The following SMTN variants were observed in gnomAD, a reference collection of about 807,000 sequenced individuals.
SMTN encodes the protein smoothelin.
In SMTN, 58 loss-of-function variants were observed where a neutral mutation model predicts 102.0. The ratio of observed to expected loss-of-function variants is 0.57; its 90% CI spans 0.46 to 0.71. The LOEUF (loss-of-function observed/expected upper bound fraction) is 0.71, where lower values mean the gene tolerates loss of function less well. SMTN is among the 30% of genes least tolerant of loss of function. SMTN has a pLI of 0.00. For synonymous variants in SMTN, 478 were observed against 497.9 expected, an observed-to-expected ratio of 0.96 and a Z score of 0.53; for missense variants, 1,185 against 1,241.7, an observed-to-expected ratio of 0.95 and a Z score of 0.69.
intron 1 of SMTN, among the ~76,000 whole-genome samples, chr22:31,072,538 T>C (rs533243793): frequency 4.9e-4 from 74 of 152,306 alleles, no homozygotes; most frequent in Admixed American, 1.5e-3. Flanking sequence ...CTCAGTTCAC[T>C]GCAACGTCCG....
intron 15 of SMTN, 41 bp downstream of exon 15, chr22:31,097,101 C>G: frequency 1.9e-6 from 3 of 1,588,660 alleles, no homozygotes; most frequent in Non-Finnish European, 2.6e-6. Context: ...CCTGCCTGTC[C>G]GCCCACCTCC....
chr22:31,102,426 GAGTC>G (rs2044162333), intron 20 of SMTN: 1 of 152,368 alleles, frequency 6.6e-6, no homozygotes, highest in African/African-American at 2.4e-5. Context: ...GAAGGAATGT[GAGTC>G]AGTGACAGGT....
chr22:31,101,154 G>C, intron 20 of SMTN, 105 bp downstream of exon 20: 1 of 1,140,304 alleles, frequency 8.8e-7, no homozygotes, highest in East Asian at 2.6e-5. Flanking sequence ...GGGGCATTTA[G>C]TCAAGCCAGA....
intron 1 of SMTN, among the ~76,000 whole-genome samples, chr22:31,071,315 C>A (rs2041993722): frequency 6.6e-6 from 1 of 150,900 alleles, no homozygotes; most frequent in Admixed American, 6.6e-5. Flanking sequence ...GGGCTTTGTG[C>A]TTATGAAGGT....
intron 17 of SMTN, 72 bp downstream of exon 17, chr22:31,098,912 TG>T: frequency 6.4e-7 from 1 of 1,551,422 alleles, no homozygotes; most frequent in Non-Finnish European, 8.8e-7. Flanking sequence ...GCTTGATAGT[TG>T]GCCCGGCAGA....
intron 19 of SMTN, 23 bp downstream of exon 19, chr22:31,099,919 C>CTAA: frequency 1.2e-6 from 2 of 1,609,384 alleles, no homozygotes; most frequent in Non-Finnish European, 1.7e-6. Context: ...CCTGGCCCTG[C>CTAA]TAATGTTGCT....
At chr22:31,081,117 C>G (rs938928046), upstream of SMTN, among the ~76,000 whole-genome samples, 2 of 151,978 alleles carry the variant, frequency 1.3e-5, no homozygotes, top group African/African-American at 4.8e-5. Context: ...CTAAAGCCAC[C>G]GAGGCAGACG....
intron 20 of SMTN, chr22:31,102,441 AG>A (rs1273398123): frequency 6.6e-6 from 1 of 152,376 alleles, no homozygotes; most frequent in Non-Finnish European, 1.5e-5. Context: ...AGTGACAGGT[AG>A]GGGCACACTC....
rs1442245594 is a variant in SMTN at position 31,067,308 on chromosome 22, T to G, written c.-386+3121T>G. ...AGGCTGGAGTGCAGTGGCATGATCT[T>G]GGCTCGCTGCAATCTCCGCCTCCCA... On this transcript the variant is annotated intron_variant, in intron 1 of 3. Transcript: ENST00000422839. 3.3e-5 allele frequency: 5 copies of G among 152,048 alleles called. No individual in the cohort carries two copies. In the East Asian group the frequency reaches 7.7e-4, roughly 24 times the overall value. The allele number at this position is 152,048 out of a possible 1,614,324, so 9.4% of individuals were successfully genotyped here.
In SMTN at chr22:31,090,763, T is replaced by C; in HGVS notation, c.866-45T>C. The C allele has an allele frequency of 2.0e-6, 3 of 1,475,402 alleles. No individual in the cohort carries two copies. The East Asian group carries it at 6.8e-5, about 33-fold the overall frequency. 91.4% of individuals were successfully genotyped at this position (1,475,402 alleles called of 1,614,324 possible). ...GGTGGACACCCACTATCCCCTGTCT[T>C]TTCTCTTTCCCCACATGGCCATCAC... On this transcript the variant is annotated intron_variant, in intron 8 of 20. Transcript: ENST00000333137.
chr22:31,081,620 C>G (rs1192052747), intron 1 of SMTN, among the ~76,000 whole-genome samples, 164 bp downstream of exon 1: 1 of 152,150 alleles, frequency 6.6e-6, no homozygotes, highest in African/African-American at 2.4e-5. Flanking sequence ...TGGGGGAAGA[C>G]GCCCCCGGAT....
chr22:31,082,830 C>T, intron 1 of SMTN: 2 of 1,499,992 alleles, frequency 1.3e-6, no homozygotes, highest in Admixed American at 4.4e-5. Flanking sequence ...GGAGTGCACC[C>T]CCTGGTGGTA....
chr22:31,095,776 G>A lies in SMTN; in HGVS notation c.1861+167G>A, dbSNP rs1364827551. The A allele has an allele frequency of 3.2e-6, 2 of 623,592 alleles. No individual in the cohort carries two copies. Among genetic ancestry groups the A allele is most frequent in the African/African-American group, 1.8e-5 (1 of 54,314 alleles). 38.6% of individuals were successfully genotyped at this position (623,592 alleles called of 1,614,324 possible). A position where few individuals can be genotyped will look rare whatever the true frequency, so the allele number is the denominator to read the frequency against. ...TGGCTATTCCCTGCTGGATCCAGCT[G>A]CTCCTTCCCTAGCTCCTTCTCTCCC... On this transcript the variant is annotated intron_variant, in intron 13 of 20. Coordinates refer to ENST00000333137, the MANE Select transcript of SMTN (RefSeq NM_134269.3). This position sits in a 1 kb window ranked among gnomAD's most constrained non-coding sequence, Gnocchi z 4.1.
In SMTN at chr22:31,091,433, C is replaced by A; in HGVS notation, c.1410C>A (p.Gly470=). 1 of 1,547,440 alleles carries A rather than the reference C, an allele frequency of 6.5e-7. No individual in the cohort carries two copies. The highest frequency in any genetic ancestry group is 8.7e-7 in the Non-Finnish European group (1 of 1,151,044). The change falls in exon 10 of 21, where the codon GGC becomes GGA. Residue 470 remains glycine (G), a synonymous_variant. Transcript: ENST00000333137. ...CCATCGAGATCAAGGACGGCCGTGG[C>A]CAGGCCTCCACAGGCCGGGTGCTGC... ...TFTIEIKDGR[G]QASTGRVLLP...
At position 31,089,776 on chromosome 22, in the gene SMTN, T is replaced by C. The variant is rs2042976619; in HGVS notation, c.549T>C (p.Asp183=). Residue 183 remains aspartate (D), a synonymous_variant, in exon 7 of 21, where the codon GAT becomes GAC. Coordinates refer to ENST00000333137, the MANE Select transcript of SMTN (RefSeq NM_134269.3). ...PTPTPEGTSQ[D]VTTVTLLLRA... ...CCACCCCTGAAGGCACCAGCCAGGA[T>C]GTGACCACAGTGACACTCCTGCTGC... 6.2e-7 allele frequency: 1 copy of C among 1,612,672 alleles called. No individual in the cohort carries two copies. The highest frequency in any genetic ancestry group is 1.3e-5 in the African/African-American group (1 of 74,862).
At chr22:31,084,438 G>C (rs779165887) in intron 2 of SMTN, among the ~76,000 whole-genome samples, 2 of 152,168 alleles carry the variant, frequency 1.3e-5, no homozygotes, top group African/African-American at 2.4e-5. Flanking sequence ...GTATGTTCTC[G>C]GACCAGCGCA....
At chr22:31,097,420 T>G in intron 16 of SMTN, 82 bp downstream of exon 16, 5 of 1,290,682 alleles carry the variant, frequency 3.9e-6, no homozygotes, top group Non-Finnish European at 5.6e-6. Context: ...TACAGAGGGG[T>G]GGGCTGGGCA....
chr22:31,095,881 C>T lies in SMTN; in HGVS notation c.1861+272C>T, dbSNP rs1602657379. The T allele has an allele frequency of 5.7e-6, 3 of 526,974 alleles. No individual in the cohort carries two copies. Among genetic ancestry groups the T allele is most frequent in the Admixed American group, 3.6e-5 (1 of 27,682 alleles). The allele number at this position is 526,974 out of a possible 1,614,324, so 32.6% of individuals were successfully genotyped here. ...AGATACTCCCTCCCGCAGCTACTCTCTCCTTGGATCCAGTTGCCTCTCAAA... is the reference window on the plus strand; with the variant it reads ...AGATACTCCCTCCCGCAGCTACTCTTTCCTTGGATCCAGTTGCCTCTCAAA... On this transcript the variant is annotated intron_variant, in intron 13 of 20. Coordinates refer to ENST00000333137, the MANE Select transcript of SMTN (RefSeq NM_134269.3). The surrounding 1 kb of genome is among the most constrained non-coding windows in gnomAD (Gnocchi z 4.1).
chr22:31,100,789 CCT>C (rs1569269869), intron 19 of SMTN, 94 bp from the exon 20 acceptor site: 2 of 652,434 alleles, frequency 3.1e-6, no homozygotes, highest in East Asian at 5.5e-5. Context: ...TGTTTCCTCC[CCT>C]CTCTCTTCTC....
Sources: gnomAD v4.1 joint callset for allele counts (sites outside exome capture counted in the v4.1 genomes callset) on GRCh38, gnomAD v4.1.1 for gene constraint, Gnocchi (gnomAD v3.1) non-coding constraint, MANE v1.5 for transcripts, NCBI Gene and HGNC (gene_info 2026-07-23, HGNC 2026-07-21) for gene names.